Variants in PELO observed in about 807,000 individuals in gnomAD.
PELO encodes the protein protein pelota homolog.
A neutral mutation model predicts 25.9 loss-of-function variants in PELO; 19 were observed. The observed-to-expected ratio is 0.73, with a 90% confidence interval of 0.51 to 1.08. The LOEUF (loss-of-function observed/expected upper bound fraction) is 1.08, where lower values mean the gene tolerates loss of function less well. PELO is among the 50% of genes least tolerant of loss of function. The pLI is 0.00. For missense variants in PELO, 498 were observed against 491.4 expected (o/e 1.01, Z -0.13); for synonymous variants, 196 against 192.2 (o/e 1.02, Z -0.16).
At chr5:52,798,536 C>T (rs966045425) in intron 1 of PELO, among the ~76,000 whole-genome samples, 25 of 152,110 alleles carry the variant, frequency 1.6e-4, no homozygotes, top group Non-Finnish European at 2.2e-4. Flanking sequence ...CTATGCCTTT[C>T]TGGGAAGATG....
chr5:52,796,389 A>C (rs763443817), intron 1 of PELO, among the ~76,000 whole-genome samples: 6 of 151,968 alleles, frequency 3.9e-5, no homozygotes, highest in Non-Finnish European at 7.4e-5. Flanking sequence ...TACTGATATA[A>C]AGATTTATAC....
chr5:52,800,056 G>T lies in PELO; in HGVS notation c.-339G>T. 6.3e-6 allele frequency: 2 copies of T among 317,354 alleles called. No individual in the cohort carries two copies. The highest frequency in any genetic ancestry group is 3.3e-5 in the South Asian group (1 of 29,946). 19.7% of individuals were successfully genotyped at this position (317,354 alleles called of 1,614,324 possible). Reference sequence around the variant, plus strand: ...CGCCTCTCCTTTGGGGACGGGAGACGTGCGTCGGGTCGCGGGACGGGGGCT... The same window carrying T: ...CGCCTCTCCTTTGGGGACGGGAGACTTGCGTCGGGTCGCGGGACGGGGGCT... On this transcript the variant is annotated 5_prime_UTR_variant, in exon 2 of 3. Transcript: ENST00000274311.
At chr5:52,795,820 C>T (rs1196216793) in intron 1 of PELO, among the ~76,000 whole-genome samples, 1 of 151,840 alleles carries the variant, frequency 6.6e-6, no homozygotes, top group Non-Finnish European at 1.5e-5. Flanking sequence ...GAGAGCAGGA[C>T]AAATAATCTT....
chr5:52,791,497 T>C (rs1748239644), intron 1 of PELO, among the ~76,000 whole-genome samples: 1 of 152,188 alleles, frequency 6.6e-6, no homozygotes, highest in Non-Finnish European at 1.5e-5. Context: ...CCTCCTTTCC[T>C]CCCACCCTCT....
At chr5:52,795,222 A>T (rs1748318161) in intron 1 of PELO, among the ~76,000 whole-genome samples, 1 of 151,942 alleles carries the variant, frequency 6.6e-6, no homozygotes, top group African/African-American at 2.4e-5. Context: ...AAAGACAAAT[A>T]AAAGGTAGTA....
chr5:52,801,197 G>C (rs1368797244), intron 2 of PELO, 77 bp downstream of exon 2: 6 of 1,396,394 alleles, frequency 4.3e-6, no homozygotes, highest in Non-Finnish European at 5.8e-6. Context: ...TTTTAGAACT[G>C]GGAAAAATAA....
Position 52,788,312 on chromosome 5 carries a change from T to C in PELO, c.-613T>C. The stretch of plus-strand genomic sequence containing the variant: ...GCAGCTCCCGCGCCCGGTCCTGCCC[T>C]GCGAACCAGCGCGGCCCCCTGGCGC... On this transcript the variant is annotated 5_prime_UTR_variant, in exon 1 of 3. Coordinates refer to ENST00000274311, the MANE Select transcript of PELO (RefSeq NM_015946.5). 6.8e-7 allele frequency: 1 copy of C among 1,473,368 alleles called. No homozygotes were observed. Among genetic ancestry groups the C allele is most frequent in the Non-Finnish European group, 9.0e-7 (1 of 1,115,172 alleles). The allele number at this position is 1,473,368 out of a possible 1,614,324, so 91.3% of individuals were successfully genotyped here.
intron 1 of PELO, among the ~76,000 whole-genome samples, chr5:52,788,766 A>G (rs1748180047): frequency 6.6e-6 from 1 of 152,032 alleles, no homozygotes; most frequent in Non-Finnish European, 1.5e-5. Flanking sequence ...TTTTTATGGC[A>G]TGGGATGGGA....
chr5:52,796,378 TTACTGATATAAAGATTTA>T (rs886979456), intron 1 of PELO, among the ~76,000 whole-genome samples: 3 of 151,918 alleles, frequency 2.0e-5, no homozygotes, highest in Non-Finnish European at 4.4e-5. Flanking sequence ...ATAATTAAAG[TTACTGATATAAAGATTTA>T]TACTGATATA....
rs1748532209 is a variant in PELO at position 52,803,644 on chromosome 5, T to C, written c.*1804T>C. On this transcript the variant is annotated 3_prime_UTR_variant, in exon 3 of 3. Coordinates refer to ENST00000274311, the MANE Select transcript of PELO (RefSeq NM_015946.5). Reference sequence around the variant, plus strand: ...CGTTTTATCCCTAGAAATGTTTTTTTTAAAGCTACCCAGATGATTCCAATA... The same window carrying C: ...CGTTTTATCCCTAGAAATGTTTTTTCTAAAGCTACCCAGATGATTCCAATA... The C allele has an allele frequency of 6.6e-6, 1 of 152,206 alleles. No individual in the cohort carries two copies. The highest frequency in any genetic ancestry group is 2.4e-5 in the African/African-American group (1 of 41,450). 9.4% of individuals were successfully genotyped at this position (152,206 alleles called of 1,614,324 possible).
rs374093472 is a variant in PELO at position 52,801,705 on chromosome 5, C to T, written c.1023C>T (p.Gly341=). Reference sequence around the variant, plus strand: ...TGGACAGTGTGAAAGAGAATGCAGGCACCGTTAGGATATTCTCTAGTCTTC... The same window carrying T: ...TGGACAGTGTGAAAGAGAATGCAGGTACCGTTAGGATATTCTCTAGTCTTC... ...RLVDSVKENA[G]TVRIFSSLHV... Residue 341 remains glycine (G), a synonymous_variant, in exon 3 of 3, where the codon GGC becomes GGT. Transcript: ENST00000274311. 4.3e-6 allele frequency: 7 copies of T among 1,614,030 alleles called. No homozygotes were observed. Among genetic ancestry groups the T allele is most frequent in the Non-Finnish European group, 5.9e-6 (7 of 1,179,910 alleles).
chr5:52,801,362 G>T, intron 2 of PELO, 47 bp from the exon 3 acceptor site: 1 of 1,478,806 alleles, frequency 6.8e-7, no homozygotes, highest in African/African-American at 1.4e-5. Context: ...TGATTAATGG[G>T]TGTTCTAGGA....
In PELO at chr5:52,800,191, G is replaced by A; in HGVS notation, c.-204G>A. On this transcript the variant is annotated 5_prime_UTR_variant, in exon 2 of 3. Coordinates refer to ENST00000274311, the MANE Select transcript of PELO (RefSeq NM_015946.5). ...CCGAGCCTGTTAGACGCAGCGCGCC[G>A]GGAGACTGAGAGAGGAAAGGATAGA... 1 of 593,990 alleles carries A rather than the reference G, an allele frequency of 1.7e-6. No individual in the cohort carries two copies. Among genetic ancestry groups the A allele is most frequent in the Non-Finnish European group, 3.0e-6 (1 of 334,370 alleles). The allele number at this position is 593,990 out of a possible 1,614,324, so 36.8% of individuals were successfully genotyped here.
intron 1 of PELO, among the ~76,000 whole-genome samples, chr5:52,789,910 T>C (rs960651645): frequency 3.3e-5 from 5 of 152,226 alleles, no homozygotes; most frequent in African/African-American, 1.2e-4. Flanking sequence ...CAAGTTACAA[T>C]TTCATATATA....
At chr5:52,790,420 A>G (rs1376924209) in intron 1 of PELO, among the ~76,000 whole-genome samples, 2 of 152,306 alleles carry the variant, frequency 1.3e-5, no homozygotes, top group East Asian at 3.9e-4. Context: ...TAAATTTACT[A>G]TTGTACAGTT....
rs1424880713 is a variant in PELO, at chr5:52,803,907, G to C, written c.*2067G>C. ...GGTAAATCTCTGGCAGGGGTCCCCAGTCAGGAAAAAGATTTGAGTATTAAG... is the reference window on the plus strand; with the variant it reads ...GGTAAATCTCTGGCAGGGGTCCCCACTCAGGAAAAAGATTTGAGTATTAAG... On this transcript the variant is annotated 3_prime_UTR_variant, in exon 3 of 3. Transcript: ENST00000274311. The C allele has an allele frequency of 6.6e-6, 1 of 152,128 alleles. No individual in the cohort carries two copies. The highest frequency in any genetic ancestry group is 1.9e-4 in the East Asian group (1 of 5,196). 9.4% of individuals were successfully genotyped at this position (152,128 alleles called of 1,614,324 possible).
rs1363088720 is a variant in PELO at position 52,803,919 on chromosome 5, A to G, written c.*2079A>G. On this transcript the variant is annotated 3_prime_UTR_variant, in exon 3 of 3. Coordinates refer to ENST00000274311, the MANE Select transcript of PELO (RefSeq NM_015946.5). ...GCAGGGGTCCCCAGTCAGGAAAAAG[A>G]TTTGAGTATTAAGGTCTTTCAAAAA... 6.6e-6 allele frequency: 1 copy of G among 152,202 alleles called. No homozygotes were observed. Among genetic ancestry groups the G allele is most frequent in the East Asian group, 1.9e-4 (1 of 5,198 alleles). 9.4% of individuals were successfully genotyped at this position (152,202 alleles called of 1,614,324 possible).
In PELO at chr5:52,793,279, G is replaced by A. The variant is rs561325725; in HGVS notation, c.-511+4865G>A. ...TAGGCACTTTTTAATTGAATGAATC[G>A]CAAAAGAATTGACTATTGACAAACT... On this transcript the variant is annotated intron_variant, in intron 1 of 2. Coordinates refer to ENST00000274311, the MANE Select transcript of PELO (RefSeq NM_015946.5). 2.3e-4 allele frequency among the ~76,000 whole-genome samples: 35 copies of A among 152,038 alleles called. No homozygotes were observed. The South Asian group carries it at 5.0e-3, about 22-fold the overall frequency.
Position 52,800,604 on chromosome 5 carries a change from G to A in PELO, c.210G>A (p.Glu70=), listed in dbSNP as rs1357989797. Residue 70 remains glutamate, a synonymous_variant, in exon 2 of 3, where the codon GAG becomes GAA. Transcript: ENST00000274311. ...GCACTACCCTCACTCTCTGCGTGGAGGCCATCGACTTCGACTCTCAAGCCT... is the reference window on the plus strand; with the variant it reads ...GCACTACCCTCACTCTCTGCGTGGAAGCCATCGACTTCGACTCTCAAGCCT... ...RVRTTLTLCV[E]AIDFDSQACQ... is the part of the protein sequence containing the mutation. 1 of 1,613,846 alleles carries A rather than the reference G, an allele frequency of 6.2e-7. No individual in the cohort carries two copies. The highest frequency in any genetic ancestry group is 8.5e-7 in the Non-Finnish European group (1 of 1,179,822).
Sources: allele counts gnomAD v4.1 joint callset (sites outside exome capture counted in the v4.1 genomes callset), GRCh38; gene constraint gnomAD v4.1.1; transcripts MANE v1.5; gene names NCBI Gene and HGNC (gene_info 2026-07-23, HGNC 2026-07-21).